The following ADARB2 variants were observed in gnomAD, a reference collection of about 807,000 sequenced individuals.
The protein encoded by ADARB2 is adenosine deaminase RNA specific B2 (inactive).
Under a neutral mutation model 62.2 loss-of-function variants are expected in ADARB2, and 25 were observed. The ratio of observed to expected loss-of-function variants is 0.40; its 90% CI spans 0.29 to 0.56. The LOEUF (loss-of-function observed/expected upper bound fraction) is 0.56. ADARB2 is among the 20% of genes least tolerant of loss of function. The pLI is 0.43. For synonymous variants in ADARB2, 572 were observed against 500.8 expected (o/e 1.14, Z -1.90); for missense variants, 1,071 against 1,077.4 (o/e 0.99, Z 0.08).
At chr10:1,735,540 T>C (rs1160878308) in intron 1 of ADARB2, among the ~76,000 whole-genome samples, 1 of 152,256 alleles carries the variant, frequency 6.6e-6, no homozygotes, top group Non-Finnish European at 1.5e-5. Flanking sequence ...ATGCTTCCTT[T>C]TTCCTCTTTT....
Position 1,255,592 on chromosome 10 carries a change from AC to A in ADARB2, c.1193-13294del, listed in dbSNP as rs1831072879. 6.6e-6 allele frequency among the ~76,000 whole-genome samples: 1 copy of A among 152,232 alleles called. No individual in the cohort carries two copies. The highest frequency in any genetic ancestry group is 1.5e-5 in the Non-Finnish European group (1 of 68,030). On this transcript the variant is annotated intron_variant, in intron 4 of 9. Transcript: ENST00000381312. The surrounding 1 kb of genome is among the most constrained non-coding windows in gnomAD (Gnocchi z 4.7). Reference sequence around the variant, plus strand: ...GATGTGACCAGATGTCAGCTGGTCAACGCTCTTTGCTGTTCCCCATCAGGGA... The same window carrying A: ...GATGTGACCAGATGTCAGCTGGTCAAGCTCTTTGCTGTTCCCCATCAGGGA...
intron 7 of ADARB2, among the ~76,000 whole-genome samples, chr10:1,204,428 G>T (rs984633571): frequency 6.6e-6 from 1 of 152,238 alleles, no homozygotes; most frequent in African/African-American, 2.4e-5. Flanking sequence ...ACCTGAGTGC[G>T]TCTTAACAGG....
chr10:1,561,964 A>G (rs1327249177), intron 1 of ADARB2, among the ~76,000 whole-genome samples: 2 of 152,242 alleles, frequency 1.3e-5, no homozygotes, highest in Non-Finnish European at 2.9e-5. Context: ...AGATCCTGCT[A>G]AAATGCTTCT....
chr10:1,220,964 A>G (rs79626079), intron 6 of ADARB2, among the ~76,000 whole-genome samples: 2,684 of 152,290 alleles, frequency 0.018, 34 homozygotes, highest in Middle Eastern at 0.048. Flanking sequence ...GGAGGTGTTC[A>G]GTCTTGGGAT....
At chr10:1,539,331 A>T (rs1046218073) in intron 1 of ADARB2, among the ~76,000 whole-genome samples, 1 of 152,172 alleles carries the variant, frequency 6.6e-6, no homozygotes, top group South Asian at 2.1e-4. Flanking sequence ...TAAGCCTTGC[A>T]GGTGTTAGGC....
At chr10:1,634,170 C>T (rs534675889) in intron 1 of ADARB2, among the ~76,000 whole-genome samples, 10 of 152,260 alleles carry the variant, frequency 6.6e-5, no homozygotes, top group Non-Finnish European at 8.8e-5. Flanking sequence ...GGGCCACACC[C>T]GCTCCAGAGT....
At chr10:1,380,756 G>C (rs1832475998) in intron 1 of ADARB2, among the ~76,000 whole-genome samples, 1 of 152,182 alleles carries the variant, frequency 6.6e-6, no homozygotes, top group African/African-American at 2.4e-5. Context: ...CCAGGGAAGG[G>C]TTTGCTCTCC....
intron 7 of ADARB2, among the ~76,000 whole-genome samples, chr10:1,202,500 C>T (rs56098951): frequency 0.27 from 41,565 of 151,990 alleles, 6,919 homozygotes; most frequent in South Asian, 0.45. Flanking sequence ...TTTTGAGGAG[C>T]GGTTGAGGGA....
In ADARB2 at chr10:1,518,702, C is replaced by T. The variant is rs1450461386; in HGVS notation, c.101-139542G>A. ...AAAGTCTGTACACAAAGTGGTCATA[C>T]GCATTCATTCCGTGTAATGTCTGCA... On this transcript the variant is annotated intron_variant, in intron 1 of 9. Coordinates refer to ENST00000381312, the MANE Select transcript of ADARB2 (RefSeq NM_018702.4). Among the ~76,000 whole-genome samples, 14 of 151,596 alleles carry T rather than the reference C, an allele frequency of 9.2e-5. 2 individuals carry two copies. Among genetic ancestry groups the T allele is most frequent in the African/African-American group, 3.2e-4 (13 of 41,268 alleles).
chr10:1,379,903 T>G (rs1451779786), intron 1 of ADARB2, among the ~76,000 whole-genome samples: 4 of 152,238 alleles, frequency 2.6e-5, no homozygotes, highest in Non-Finnish European at 5.9e-5. Flanking sequence ...CAATAAAGTA[T>G]GCTTTTTTAC....
At position 1,737,368 on chromosome 10, in the gene ADARB2, G is replaced by A. The variant is rs923610456; in HGVS notation, c.-218C>T. The A allele has an allele frequency of 1.9e-6, 1 of 537,014 alleles. No individual in the cohort carries two copies. The highest frequency in any genetic ancestry group is 3.3e-6 in the Non-Finnish European group (1 of 302,272). 33.3% of individuals were successfully genotyped at this position (537,014 alleles called of 1,614,324 possible). ...ACTGGGCTGGGGGCCTCGGCTGGGC[G>A]CCTGGAGCGAGCTGCTCCCTGGTCA... is the stretch of plus-strand genomic sequence containing the variant. On this transcript the variant is annotated 5_prime_UTR_variant, in exon 1 of 10. Coordinates refer to ENST00000381312, the MANE Select transcript of ADARB2 (RefSeq NM_018702.4).
rs1298543576 is a variant in ADARB2, at chr10:1,363,590, G to A, written c.515C>T (p.Pro172Leu). The change falls in exon 3 of 10, where the codon CCC becomes CTC. Residue 172 changes from proline (P) to leucine (L), a missense_variant. Physicochemically the swap from Pro to Leu is moderately conservative, Grantham distance 98. Coordinates refer to ENST00000381312, the MANE Select transcript of ADARB2 (RefSeq NM_018702.4). ...VNGLTFEGTGPTKKKAKMRAA... is the reference protein window; with the variant it reads ...VNGLTFEGTGLTKKKAKMRAA... ...GCGCATCTTGGCCTTCTTCTTGGTG[G>A]GGCCTGTGCCCTCGAACGTGAGCCC... The A allele has an allele frequency of 1.3e-6, 2 of 1,592,848 alleles. No individual in the cohort carries two copies. The highest frequency in any genetic ancestry group is 1.7e-5 in the Admixed American group (1 of 57,784).
intron 3 of ADARB2, among the ~76,000 whole-genome samples, chr10:1,316,696 C>A (rs746737798): frequency 1.3e-5 from 2 of 152,208 alleles, no homozygotes; most frequent in Non-Finnish European, 2.9e-5. Context: ...GCCCTCCCCA[C>A]ACCCCATGTG....
At chr10:1,318,694 T>C (rs1831765236) in intron 3 of ADARB2, among the ~76,000 whole-genome samples, 1 of 152,206 alleles carries the variant, frequency 6.6e-6, no homozygotes, top group Non-Finnish European at 1.5e-5. Flanking sequence ...ATGCCTTCTG[T>C]GACCTCTAAA....
intron 6 of ADARB2, among the ~76,000 whole-genome samples, chr10:1,231,460 T>C (rs1830803209): frequency 6.6e-6 from 1 of 152,174 alleles, no homozygotes; most frequent in Non-Finnish European, 1.5e-5. Flanking sequence ...TGGTGGTTTT[T>C]CTGTCTCTCT....
intron 1 of ADARB2, among the ~76,000 whole-genome samples, chr10:1,631,880 C>A (rs1014430879): frequency 6.6e-6 from 1 of 152,212 alleles, no homozygotes; most frequent in African/African-American, 2.4e-5. Flanking sequence ...TAAACAACAA[C>A]TTTTCTCTCT....
intron 1 of ADARB2, among the ~76,000 whole-genome samples, chr10:1,672,951 T>C (rs1370617758): frequency 6.6e-6 from 1 of 152,220 alleles, no homozygotes; most frequent in East Asian, 1.9e-4. Context: ...ACGGGTTTCA[T>C]CCAGGGCTTC....
At chr10:1,440,683 A>G (rs1167224064) in intron 1 of ADARB2, among the ~76,000 whole-genome samples, 1 of 152,252 alleles carries the variant, frequency 6.6e-6, no homozygotes, top group Non-Finnish European at 1.5e-5. Context: ...AAACAAGATT[A>G]TGAACACTCT....
intron 1 of ADARB2, among the ~76,000 whole-genome samples, chr10:1,623,530 T>C (rs1564350137): frequency 6.6e-6 from 1 of 152,216 alleles, no homozygotes; most frequent in Non-Finnish European, 1.5e-5. Flanking sequence ...TCACTACCCA[T>C]AGAATTCCAT....
Sources: allele counts gnomAD v4.1 joint callset (sites outside exome capture counted in the v4.1 genomes callset), GRCh38; gene constraint gnomAD v4.1.1; non-coding constraint Gnocchi (gnomAD v3.1); transcripts MANE v1.5; gene names NCBI Gene and HGNC (gene_info 2026-07-23, HGNC 2026-07-21).